ZFYVE1: variants seen among roughly 807,000 people sequenced by gnomAD.
The protein encoded by ZFYVE1 is zinc finger FYVE domain-containing protein 1.
A neutral mutation model predicts 74.4 loss-of-function variants in ZFYVE1; 30 were observed. The ratio of observed to expected loss-of-function variants is 0.40; its 90% CI spans 0.30 to 0.55. ZFYVE1 has a LOEUF of 0.55. ZFYVE1 is among the 20% of genes least tolerant of loss of function. The pLI is 0.42. For synonymous variants in ZFYVE1, 335 were observed against 385.1 expected, an observed-to-expected ratio of 0.87 and a Z score of 1.52; for missense variants, 703 against 1,011.6, an observed-to-expected ratio of 0.69 and a Z score of 4.14.
chr14:72,977,355 A>G (rs1893201855), intron 8 of ZFYVE1, among the ~76,000 whole-genome samples: 1 of 152,094 alleles, frequency 6.6e-6, no homozygotes, highest in African/African-American at 2.4e-5. Flanking sequence ...GCAGTGAGCC[A>G]AGAGAGCCAA....
At position 72,998,292 on chromosome 14, in the gene ZFYVE1, A is replaced by C; in HGVS notation, c.507T>G (p.Ile169Met). 6.6e-7 allele frequency: 1 copy of C among 1,516,170 alleles called. No individual in the cohort carries two copies. Among genetic ancestry groups the C allele is most frequent in the Non-Finnish European group, 8.9e-7 (1 of 1,129,846 alleles). The allele number at this position is 1,516,170 out of a possible 1,614,324, so 93.9% of individuals were successfully genotyped here. Reference protein sequence around the residue: ...EIQVTNEEDFIRKLDCKPDQH... With the variant: ...EIQVTNEEDFMRKLDCKPDQH... The stretch of plus-strand genomic sequence containing the variant: ...GATCAGGTTTGCAGTCCAATTTTCT[A>C]ATAAAGTCTTCTTCATTTGTTACCT... The change falls in exon 3 of 12, where the codon ATT becomes ATG. Residue 169 changes from isoleucine (I) to methionine (M), a missense_variant. By Grantham distance (10) the Ile-to-Met change is conservative. Transcript: ENST00000556143.
intron 4 of ZFYVE1, among the ~76,000 whole-genome samples, chr14:72,988,936 T>A (rs1258120472): frequency 1.4e-5 from 2 of 147,644 alleles, no homozygotes; most frequent in African/African-American, 5.0e-5. Context: ...CTTCTTTTTT[T>A]TTTTTTTTTT....
At chr14:73,023,188 ATATATTTTATATATG>A (rs1416150528) in intron 2 of ZFYVE1, among the ~76,000 whole-genome samples, 1 of 136,974 alleles carries the variant, frequency 7.3e-6, no homozygotes, top group South Asian at 2.1e-4. Context: ...ATATATATAT[ATATATTTTATATATG>A]TTTTATATAT....
In ZFYVE1 at chr14:72,978,987, A is replaced by T. The variant is rs761609753; in HGVS notation, c.1311-18T>A. On this transcript the variant is annotated intron_variant, in intron 5 of 11. Transcript: ENST00000556143. ...ATCCAACCCTGAATGAAGCCCAAAGACTGACAATGAGACGGCTAAAGGAGC... is the reference window on the plus strand; with the variant it reads ...ATCCAACCCTGAATGAAGCCCAAAGTCTGACAATGAGACGGCTAAAGGAGC... The T allele has an allele frequency of 6.2e-7, 1 of 1,609,676 alleles. No individual in the cohort carries two copies. Among genetic ancestry groups the T allele is most frequent in the Non-Finnish European group, 8.5e-7 (1 of 1,176,154 alleles).
At chr14:72,987,533 G>A (rs933930201) in intron 4 of ZFYVE1, among the ~76,000 whole-genome samples, 1 of 151,962 alleles carries the variant, frequency 6.6e-6, no homozygotes, top group Non-Finnish European at 1.5e-5. Flanking sequence ...GTGCCTAGGG[G>A]ACACAGAGCC....
chr14:72,990,689 CTTTTTTT>C (rs369030778), intron 4 of ZFYVE1, among the ~76,000 whole-genome samples: 1 of 66,706 alleles, frequency 1.5e-5, no homozygotes, highest in African/African-American at 5.4e-5. Flanking sequence ...CGCACCTGGC[CTTTTTTT>C]TTTTTTTTTT....
At chr14:72,976,508 G>C (rs539586198) in intron 8 of ZFYVE1, among the ~76,000 whole-genome samples, 69 of 152,212 alleles carry the variant, frequency 4.5e-4, no homozygotes, top group African/African-American at 1.6e-3. Flanking sequence ...AAATCGGCCG[G>C]GTGCGATGGC....
At chr14:73,006,528 T>C (rs1893984061) in intron 2 of ZFYVE1, among the ~76,000 whole-genome samples, 1 of 151,086 alleles carries the variant, frequency 6.6e-6, no homozygotes, top group Admixed American at 6.6e-5. Context: ...TGAGCCGAGA[T>C]TGCACCACTG....
At chr14:73,014,691 T>A (rs1894154785) in intron 2 of ZFYVE1, among the ~76,000 whole-genome samples, 2 of 152,202 alleles carry the variant, frequency 1.3e-5, no homozygotes, top group South Asian at 4.1e-4. Flanking sequence ...ATGGGAAAAT[T>A]CAACAATTTG....
At chr14:73,008,492 A>C (rs1894025698) in intron 2 of ZFYVE1, among the ~76,000 whole-genome samples, 1 of 152,210 alleles carries the variant, frequency 6.6e-6, no homozygotes, top group African/African-American at 2.4e-5. Flanking sequence ...ATGGTCCACA[A>C]AAATTCTTTT....
At chr14:72,981,928 C>T (rs1893342507) in intron 4 of ZFYVE1, 33 bp from the exon 5 acceptor site, 1 of 1,602,106 alleles carries the variant, frequency 6.2e-7, no homozygotes, top group Non-Finnish European at 8.5e-7. Context: ...TATGATGGCA[C>T]TCAGTAGAGA....
chr14:73,003,030 C>T (rs1295524763), intron 2 of ZFYVE1, among the ~76,000 whole-genome samples: 3 of 148,660 alleles, frequency 2.0e-5, no homozygotes, highest in Non-Finnish European at 4.4e-5. Flanking sequence ...GTGTGACCAC[C>T]GTGCCCAGCC....
chr14:72,999,081 C>A (rs910454624), intron 2 of ZFYVE1, among the ~76,000 whole-genome samples: 1 of 152,106 alleles, frequency 6.6e-6, no homozygotes, highest in Non-Finnish European at 1.5e-5. Context: ...CTGCTTGAGC[C>A]TAGGAGTTCA....
chr14:73,000,330 A>T (rs1893841407), intron 2 of ZFYVE1, among the ~76,000 whole-genome samples: 1 of 152,128 alleles, frequency 6.6e-6, no homozygotes, highest in African/African-American at 2.4e-5. Context: ...GGCTGGGAGC[A>T]GTGGCTCAGG....
chr14:72,984,349 T>A (rs1281224592), intron 4 of ZFYVE1, among the ~76,000 whole-genome samples: 1 of 151,966 alleles, frequency 6.6e-6, no homozygotes, highest in African/African-American at 2.4e-5. Context: ...TCCAGCATGG[T>A]GAAACCCCAT....
chr14:72,986,830 C>A, intron 4 of ZFYVE1: 1 of 975,570 alleles, frequency 1.0e-6, no homozygotes, highest in Non-Finnish European at 1.2e-6. Context: ...GCGCCCGGCC[C>A]TGATTTTTCT....
intron 2 of ZFYVE1, among the ~76,000 whole-genome samples, chr14:73,000,595 C>A (rs1481102344): frequency 6.6e-6 from 1 of 150,620 alleles, no homozygotes; most frequent in Non-Finnish European, 1.5e-5. Context: ...CAGAGAGAAG[C>A]TCTGTCTCTA....
chr14:73,004,056 G>T (rs914148889), intron 2 of ZFYVE1, among the ~76,000 whole-genome samples: 3 of 152,152 alleles, frequency 2.0e-5, no homozygotes, highest in Non-Finnish European at 2.9e-5. Flanking sequence ...CATAAACTTG[G>T]TGATGGGCTA....
At position 72,997,942 on chromosome 14, in the gene ZFYVE1, G is replaced by C. The variant is rs1040243452; in HGVS notation, c.857C>G (p.Ala286Gly). The change falls in exon 3 of 12, where the codon GCT (alanine) becomes GGT (glycine). Residue 286 changes from alanine to glycine, a missense_variant. Ala to Gly is a moderately conservative substitution (Grantham distance 60, BLOSUM62 0). Coordinates refer to ENST00000556143, the MANE Select transcript of ZFYVE1 (RefSeq NM_021260.4). ...CTCCTTGGTGAAGTGCTTCAGATAA[G>C]CTTCTGAGGCATCCCCAAGGAATTT... ...LFKFLGDASE[A>G]YLKHFTKELK... 1 of 1,614,062 alleles carries C rather than the reference G, an allele frequency of 6.2e-7. No homozygotes were observed. The highest frequency in any genetic ancestry group is 1.3e-5 in the African/African-American group (1 of 74,912).
Sources: gnomAD v4.1 joint callset for allele counts (sites outside exome capture counted in the v4.1 genomes callset) on GRCh38, gnomAD v4.1.1 for gene constraint, MANE v1.5 for transcripts, NCBI Gene and HGNC (gene_info 2026-07-23, HGNC 2026-07-21) for gene names.